The following TTC28 variants were observed in gnomAD, a reference collection of about 807,000 sequenced individuals.
TTC28 encodes tetratricopeptide repeat protein 28.
TTC28 carries 61 observed loss-of-function variants against 198.0 expected under a neutral mutation model. The ratio of observed to expected loss-of-function variants is 0.31; its 90% CI spans 0.25 to 0.38. TTC28 has a LOEUF of 0.38. TTC28 is among the 10% of genes least tolerant of loss of function. The pLI is 1.00. For synonymous variants in TTC28, 1,171 were observed against 1,297.8 expected, an observed-to-expected ratio of 0.90 and a Z score of 2.10; for missense variants, 2,678 against 3,164.0, an observed-to-expected ratio of 0.85 and a Z score of 3.69.
At chr22:28,158,410 C>T (rs538090144) in intron 6 of TTC28, among the ~76,000 whole-genome samples, 5 of 152,226 alleles carry the variant, frequency 3.3e-5, no homozygotes, top group Non-Finnish European at 7.4e-5. Flanking sequence ...AAAAAACAAT[C>T]CTAAAATTTA....
rs1254248725 is a variant in TTC28, at chr22:28,032,187, TAAAA to T, written c.3933-1825_3933-1822del. ...GTGTGTGTATATATATATATATATA[TAAAA>T]TATATATATATAAAATATATATATA... is the stretch of plus-strand genomic sequence containing the variant. On this transcript the variant is annotated intron_variant, in intron 12 of 22. Coordinates refer to ENST00000397906, the MANE Select transcript of TTC28 (RefSeq NM_001145418.2). 6.7e-3 allele frequency among the ~76,000 whole-genome samples: 491 copies of T among 72,868 alleles called. 17 individuals carry two copies. Among genetic ancestry groups the T allele is most frequent in the African/African-American group, 0.029 (462 of 16,144 alleles). The allele number at this position is 72,868 out of a possible 152,430, so 47.8% of individuals were successfully genotyped here. A position where few individuals can be genotyped will look rare whatever the true frequency, so the allele number is the denominator to read the frequency against.
intron 2 of TTC28, among the ~76,000 whole-genome samples, chr22:28,341,105 A>C (rs1028344696): frequency 6.6e-6 from 1 of 152,260 alleles, no homozygotes; most frequent in Admixed American, 6.5e-5. Flanking sequence ...CCTAAGATGC[A>C]TCTATCTCTA....
chr22:28,371,391 TC>T (rs1219235732), intron 2 of TTC28, among the ~76,000 whole-genome samples: 1 of 145,104 alleles, frequency 6.9e-6, no homozygotes, highest in Non-Finnish European at 1.5e-5. Flanking sequence ...TTGCCTGTAG[TC>T]CCAGCTACTG....
Position 28,516,760 on chromosome 22 carries a change from A to T in TTC28, c.381+112792T>A, listed in dbSNP as rs117945598. Reference sequence around the variant, plus strand: ...TGTACCCTAGAACTTAAAGTATAATAAAAAAAAAACAAGAATACTCATCAT... The same window carrying T: ...TGTACCCTAGAACTTAAAGTATAATTAAAAAAAAACAAGAATACTCATCAT... On this transcript the variant is annotated intron_variant, in intron 2 of 22. Coordinates refer to ENST00000397906, the MANE Select transcript of TTC28 (RefSeq NM_001145418.2). Among the ~76,000 whole-genome samples, 1,005 of 144,220 alleles carry T rather than the reference A, an allele frequency of 7.0e-3. 49 individuals carry two copies. In the East Asian group the frequency reaches 0.12, roughly 18 times the overall value. The allele number at this position is 144,220 out of a possible 152,430, so 94.6% of individuals were successfully genotyped here.
At chr22:28,553,510 C>T (rs1488675985) in intron 2 of TTC28, among the ~76,000 whole-genome samples, 4 of 151,496 alleles carry the variant, frequency 2.6e-5, no homozygotes, top group Middle Eastern at 3.4e-3. Context: ...CGTCTCTGCC[C>T]GGCCGCCCCG....
In TTC28 at chr22:28,107,726, G is replaced by C; in HGVS notation, c.2119C>G (p.Leu707Val). Residue 707 changes from leucine (L) to valine (V), a missense_variant, in exon 7 of 23, where the codon CTG (leucine) becomes GTG (valine). Around this residue, in one of 8 missense-constraint regions of TTC28, gnomAD observed 775 missense variants for 845.9 expected, o/e 0.92. Transcript: ENST00000397906. ...QKYLLSLAQS[L>V]NNSQAKFRAL... Reference sequence around the variant, plus strand: ...CGAAATTTAGCCTGGGAATTATTCAGAGACTGGGCTAGGGACAGTAGGTAC... The same window carrying C: ...CGAAATTTAGCCTGGGAATTATTCACAGACTGGGCTAGGGACAGTAGGTAC... The C allele has an allele frequency of 6.4e-7, 1 of 1,551,876 alleles. No individual in the cohort carries two copies.
At chr22:28,392,116 C>A (rs1451937815) in intron 2 of TTC28, among the ~76,000 whole-genome samples, 1 of 152,212 alleles carries the variant, frequency 6.6e-6, no homozygotes, top group African/African-American at 2.4e-5. Context: ...AGGTGTCAGT[C>A]TGCCCCTGGT....
Position 28,270,043 on chromosome 22 carries a change from G to A in TTC28, c.933+26155C>T, listed in dbSNP as rs71325287. Among the ~76,000 whole-genome samples, 527 of 152,312 alleles carry A rather than the reference G, an allele frequency of 3.5e-3. 2 individuals carry two copies. The highest frequency in any genetic ancestry group is 0.01 in the Middle Eastern group (3 of 294). ...AAATATTTGAAGAGACTTATCCTGA[G>A]CCTAATGTGAGGACCATGACCCATG... On this transcript the variant is annotated intron_variant, in intron 5 of 22. Transcript: ENST00000397906.
intron 2 of TTC28, among the ~76,000 whole-genome samples, chr22:28,385,139 C>CA (rs695792): frequency 0.024 from 2,378 of 99,492 alleles, 45 homozygotes; most frequent in East Asian, 0.12. Flanking sequence ...GAAACTCCGT[C>CA]AAAAAAAAAA....
chr22:28,520,527 C>T (rs927105941), intron 2 of TTC28, among the ~76,000 whole-genome samples: 1 of 152,186 alleles, frequency 6.6e-6, no homozygotes, highest in Non-Finnish European at 1.5e-5. Flanking sequence ...ACCAACTCAC[C>T]TATCAAAACT....
chr22:28,460,555 T>A (rs886317553), intron 2 of TTC28, among the ~76,000 whole-genome samples: 1 of 150,910 alleles, frequency 6.6e-6, no homozygotes, highest in South Asian at 2.1e-4. Context: ...TATATATATA[T>A]GTATGTATGT....
intron 2 of TTC28, among the ~76,000 whole-genome samples, chr22:28,599,829 G>C (rs908512432): frequency 2.6e-5 from 4 of 152,150 alleles, no homozygotes; most frequent in African/African-American, 9.7e-5. Context: ...TCTGAAACCA[G>C]AGTAACAAAC....
rs576094537 is a variant in TTC28 at position 28,489,928 on chromosome 22, G to A, written c.381+139624C>T. Among the ~76,000 whole-genome samples, 8 of 152,300 alleles carry A rather than the reference G, an allele frequency of 5.3e-5. No individual in the cohort carries two copies. In the South Asian group the frequency reaches 1.5e-3, roughly 28 times the overall value. ...CACAAGGTCCCACAATAGGCTGTCT[G>A]CAAGCTAAGGAGCCAGAGAGCCAGT... On this transcript the variant is annotated intron_variant, in intron 2 of 22. Transcript: ENST00000397906.
At chr22:28,613,258 G>A (rs187215527) in intron 2 of TTC28, among the ~76,000 whole-genome samples, 189 of 152,218 alleles carry the variant, frequency 1.2e-3, no homozygotes, top group African/African-American at 4.5e-3. Context: ...AGAAGAAGTT[G>A]AATCCCTGAA....
intron 12 of TTC28, among the ~76,000 whole-genome samples, chr22:28,085,602 A>G (rs897029089): frequency 2.0e-5 from 3 of 152,200 alleles, no homozygotes; most frequent in Admixed American, 2.0e-4. Context: ...AACTGCATCA[A>G]CTAACCAGCA....
intron 6 of TTC28, among the ~76,000 whole-genome samples, chr22:28,153,467 AT>A (rs1443217903): frequency 1.1e-4 from 15 of 140,526 alleles, no homozygotes; most frequent in African/African-American, 3.9e-4. Flanking sequence ...TTGGACCTTG[AT>A]TTTTCTCATA....
At chr22:27,989,726 C>T (rs1011910418) in intron 21 of TTC28, among the ~76,000 whole-genome samples, 152 bp downstream of exon 21, 5 of 152,056 alleles carry the variant, frequency 3.3e-5, no homozygotes, top group African/African-American at 9.7e-5. Flanking sequence ...GGATTACATG[C>T]GTGAGCCACT....
intron 5 of TTC28, among the ~76,000 whole-genome samples, chr22:28,256,480 GAA>G: frequency 6.7e-6 from 1 of 150,016 alleles, no homozygotes; most frequent in East Asian, 1.9e-4. Context: ...ATGGTAAAGA[GAA>G]AGAGATTAAT....
At chr22:28,427,597 G>C (rs139189655) in intron 2 of TTC28, among the ~76,000 whole-genome samples, 1 of 152,262 alleles carries the variant, frequency 6.6e-6, no homozygotes, top group Non-Finnish European at 1.5e-5. Flanking sequence ...AGCTTGCAGT[G>C]AGCAGAGATC....
Sources: allele counts gnomAD v4.1 joint callset (sites outside exome capture counted in the v4.1 genomes callset), GRCh38; gene constraint gnomAD v4.1.1; regional missense constraint gnomAD v4.1.1; transcripts MANE v1.5; gene names NCBI Gene and HGNC (gene_info 2026-07-23, HGNC 2026-07-21).